The following TTC28 variants were observed in gnomAD, a reference collection of about 807,000 sequenced individuals.
TTC28 encodes the protein tetratricopeptide repeat domain 28, also known as tetratricopeptide repeat protein 28.
TTC28 carries 61 observed loss-of-function variants against 198.0 expected under a neutral mutation model. The observed-to-expected ratio is 0.31, with a 90% CI of 0.25 to 0.38. TTC28 has a LOEUF of 0.38. Ranked by LOEUF, TTC28 falls within the 10% of genes least tolerant of loss-of-function variation. The pLI is 1.00. For synonymous variants in TTC28, 1,171 were observed against 1,297.8 expected, an observed-to-expected ratio of 0.90 and a Z score of 2.10; for missense variants, 2,678 against 3,164.0, an observed-to-expected ratio of 0.85 and a Z score of 3.69.
intron 1 of TTC28, among the ~76,000 whole-genome samples, chr22:28,640,780 T>C (rs1333549600): frequency 6.6e-6 from 1 of 152,104 alleles, no homozygotes; most frequent in Non-Finnish European, 1.5e-5. Context: ...GAATATAAAA[T>C]GGTACAACCA....
chr22:28,065,791 G>T (rs542077799), intron 12 of TTC28, among the ~76,000 whole-genome samples: 2 of 152,230 alleles, frequency 1.3e-5, no homozygotes, highest in Non-Finnish European at 2.9e-5. Flanking sequence ...CTTCCAATGA[G>T]TTAGGCTCTG....
At chr22:28,455,710 T>A (rs1431998475) in intron 2 of TTC28, among the ~76,000 whole-genome samples, 5 of 146,912 alleles carry the variant, frequency 3.4e-5, no homozygotes, top group Admixed American at 1.3e-4. Flanking sequence ...TGAGACTCTT[T>A]CCCAAAAAAA....
intron 5 of TTC28, among the ~76,000 whole-genome samples, chr22:28,165,822 A>C (rs953462373): frequency 9.9e-5 from 15 of 152,228 alleles, no homozygotes; most frequent in African/African-American, 3.1e-4. Flanking sequence ...AAATTCACAC[A>C]TAACAATATG....
intron 2 of TTC28, among the ~76,000 whole-genome samples, chr22:28,503,342 G>C (rs1408617659): frequency 6.6e-6 from 1 of 152,246 alleles, no homozygotes; most frequent in Middle Eastern, 3.4e-3. Context: ...ATAATTATGT[G>C]ATTGATTAGT....
rs1925889252 is a variant in TTC28, at chr22:28,201,061, C to T, written c.934-37462G>A. 2.0e-5 allele frequency among the ~76,000 whole-genome samples: 3 copies of T among 152,158 alleles called. No homozygotes were observed. In the South Asian group the frequency reaches 6.2e-4, roughly 32 times the overall value. ...CCATTGGCTCACTTGTAACTCACAA[C>T]ACATTAGAGTTGGATAGTGTTATCT... On this transcript the variant is annotated intron_variant, in intron 5 of 22. Transcript: ENST00000397906.
At chr22:28,489,874 G>C (rs1248997182) in intron 2 of TTC28, among the ~76,000 whole-genome samples, 3 of 152,064 alleles carry the variant, frequency 2.0e-5, no homozygotes, top group African/African-American at 7.2e-5. Flanking sequence ...TATATAAAGG[G>C]GAGTTTATTA....
chr22:28,140,154 G>A (rs373691592), intron 6 of TTC28, among the ~76,000 whole-genome samples: 8 of 152,302 alleles, frequency 5.3e-5, no homozygotes, highest in East Asian at 3.9e-4. Flanking sequence ...AGGACAAACC[G>A]AAGTGATTCA....
chr22:28,127,292 T>G (rs946999470), intron 6 of TTC28, among the ~76,000 whole-genome samples: 9 of 152,170 alleles, frequency 5.9e-5, no homozygotes, highest in Admixed American at 5.9e-4. Context: ...CTTTGATATA[T>G]GAGAACATTT....
At chr22:28,544,138 T>C (rs952015284) in intron 2 of TTC28, among the ~76,000 whole-genome samples, 2 of 152,104 alleles carry the variant, frequency 1.3e-5, no homozygotes, top group African/African-American at 4.8e-5. Flanking sequence ...GGAGAATCAC[T>C]TGAACCTGGG....
intron 12 of TTC28, among the ~76,000 whole-genome samples, chr22:28,091,663 CG>C (rs1909613802): frequency 6.6e-6 from 1 of 152,052 alleles, no homozygotes; most frequent in Non-Finnish European, 1.5e-5. Context: ...ATGGGGTCAC[CG>C]TGCTCTCTTA....
chr22:28,342,495 T>G (rs1259826628), intron 2 of TTC28, among the ~76,000 whole-genome samples: 4 of 152,200 alleles, frequency 2.6e-5, no homozygotes, highest in African/African-American at 9.6e-5. Context: ...CATATGCTAT[T>G]TCACAAAACT....
At chr22:28,027,947 C>T (rs6005697) in intron 13 of TTC28, among the ~76,000 whole-genome samples, 5,609 of 152,344 alleles carry the variant, frequency 0.037, 132 homozygotes, top group East Asian at 0.053. Flanking sequence ...ACTGTTCTAG[C>T]AAGGATACCT....
At chr22:28,276,057 G>A (rs1932403867) in intron 5 of TTC28, among the ~76,000 whole-genome samples, 2 of 151,882 alleles carry the variant, frequency 1.3e-5, no homozygotes, top group Non-Finnish European at 2.9e-5. Flanking sequence ...TGTCACCCAG[G>A]CTGGAGTGCA....
intron 12 of TTC28, among the ~76,000 whole-genome samples, chr22:28,089,063 T>G (rs1042522723): frequency 1.4e-4 from 22 of 152,064 alleles, no homozygotes; most frequent in African/African-American, 2.2e-4. Context: ...TACACTGTTG[T>G]TGGGACTGTA....
rs1261214177 is a variant in TTC28 at position 27,996,240 on chromosome 22, A to G, written c.5139T>C (p.Ser1713=). 3.7e-5 allele frequency: 58 copies of G among 1,550,648 alleles called. No homozygotes were observed. In the Admixed American group the frequency reaches 1.1e-3, roughly 30 times the overall value. Residue 1713 remains serine, a synonymous_variant, in exon 17 of 23, where the codon AGT becomes AGC. Transcript: ENST00000397906. The part of the protein sequence containing the change: ...SNWAGFMLIG[S]DVKLNSPSSL... ...ATGAGGGGCTGTTCAGCTTAACGTC[A>G]CTCCCGATGAGCATGAACCCTGCAG...
chr22:28,041,388 T>G (rs1218494661), intron 12 of TTC28, among the ~76,000 whole-genome samples: 1 of 152,146 alleles, frequency 6.6e-6, no homozygotes, highest in African/African-American at 2.4e-5. Flanking sequence ...AACAGATATA[T>G]AGACCAATGG....
At chr22:28,446,207 C>T (rs1268124174) in intron 2 of TTC28, among the ~76,000 whole-genome samples, 1 of 148,484 alleles carries the variant, frequency 6.7e-6, no homozygotes, top group Non-Finnish European at 1.5e-5. Flanking sequence ...CTGCCTAGAA[C>T]AGTGCCTGGA....
At chr22:28,457,068 T>C (rs2047873544) in intron 2 of TTC28, among the ~76,000 whole-genome samples, 1 of 152,362 alleles carries the variant, frequency 6.6e-6, no homozygotes, top group East Asian at 1.9e-4. Flanking sequence ...ATTTCTATAA[T>C]TATCATTGTC....
chr22:28,342,281 T>C (rs767566334), intron 2 of TTC28, among the ~76,000 whole-genome samples: 1 of 152,222 alleles, frequency 6.6e-6, no homozygotes, highest in Non-Finnish European at 1.5e-5. Context: ...TATGCTGATA[T>C]ATTTGTTGCT....
Sources: allele counts gnomAD v4.1 joint callset (sites outside exome capture counted in the v4.1 genomes callset), GRCh38; gene constraint gnomAD v4.1.1; transcripts MANE v1.5; gene names NCBI Gene and HGNC (gene_info 2026-07-23, HGNC 2026-07-21).